NBAS: variants seen among roughly 807,000 people sequenced by gnomAD.
The protein encoded by NBAS is NAG/BC035112 fusion.
NBAS carries 219 observed loss-of-function variants against 302.5 expected under a neutral mutation model. The observed-to-expected ratio is 0.72, with a 90% CI of 0.65 to 0.81. NBAS has a LOEUF of 0.81. Ranked by LOEUF, NBAS falls within the 30% of genes least tolerant of loss-of-function variation. NBAS has a pLI of 0.00. For synonymous variants in NBAS, 1,118 were observed against 1,021.6 expected (o/e 1.09, Z -1.80); for missense variants, 2,932 against 2,841.6 (o/e 1.03, Z -0.72).
intron 12 of NBAS, among the ~76,000 whole-genome samples, chr2:15,488,281 A>G (rs1413774162): frequency 6.6e-6 from 1 of 152,234 alleles, no homozygotes; most frequent in Non-Finnish European, 1.5e-5. Context: ...CCTTTACTCT[A>G]TCACAATACA....
intron 47 of NBAS, among the ~76,000 whole-genome samples, chr2:15,228,994 T>C (rs934356577): frequency 1.3e-5 from 2 of 152,314 alleles, no homozygotes; most frequent in East Asian, 1.9e-4. Flanking sequence ...AAAGAAATGA[T>C]ACATGTTTAA....
Position 15,304,191 on chromosome 2 carries a change from C to T in NBAS, c.4797+4025G>A, listed in dbSNP as rs572209504. On this transcript the variant is annotated intron_variant, in intron 40 of 51. Coordinates refer to ENST00000281513, the MANE Select transcript of NBAS (RefSeq NM_015909.4). The stretch of plus-strand genomic sequence containing the variant: ...ATCATGAGGGTGGTTTCCCCCATGC[C>T]GTTCTGGTGGTAATGAGTGAGTTCT... Among the ~76,000 whole-genome samples, 8 of 152,238 alleles carry T rather than the reference C, an allele frequency of 5.3e-5. No individual in the cohort carries two copies. In the East Asian group the frequency reaches 7.7e-4, roughly 15 times the overall value.
the NBAS span, among the ~76,000 whole-genome samples, chr2:14,989,293 ATG>A: frequency 6.4e-3 from 943 of 148,106 alleles, 13 homozygotes; most frequent in African/African-American, 0.022. Context: ...ATGTATGTGT[ATG>A]TGTGTGTGTG....
chr2:15,282,456 G>T (rs748833704), intron 42 of NBAS, among the ~76,000 whole-genome samples: 2 of 152,124 alleles, frequency 1.3e-5, no homozygotes, highest in African/African-American at 4.8e-5. Context: ...GATAGACCTT[G>T]TTCTTACCCA....
At chr2:15,059,878 G>A in the NBAS span, among the ~76,000 whole-genome samples, 2 of 150,288 alleles carry the variant, frequency 1.3e-5, no homozygotes, top group East Asian at 3.9e-4. Flanking sequence ...CAGCAAAAAG[G>A]CTAAACCACA....
At chr2:14,802,019 T>C in the NBAS span, among the ~76,000 whole-genome samples, 4 of 147,338 alleles carry the variant, frequency 2.7e-5, no homozygotes, top group South Asian at 8.9e-4. Context: ...AGAAGCTCTT[T>C]AGTTTAATTA....
Position 15,539,326 on chromosome 2 carries a change from C to T in NBAS, c.410G>A (p.Arg137Gln), listed in dbSNP as rs753745199. ...VPKDPKPQWR[R>Q]VAWSYDCTLL... ...GGTACAATCGTAACTCCATGCTACC[C>T]GTCTCCACTGGGGTTTCGGGTCTTT... Residue 137 changes from arginine to glutamine, a missense_variant, in exon 7 of 52, where the codon CGG (arginine) becomes CAG (glutamine). Coordinates refer to ENST00000281513, the MANE Select transcript of NBAS (RefSeq NM_015909.4). 5 of 1,614,118 alleles carry T rather than the reference C, an allele frequency of 3.1e-6. No individual in the cohort carries two copies. Among genetic ancestry groups the T allele is most frequent in the Non-Finnish European group, 1.7e-6 (2 of 1,180,050 alleles).
the NBAS span, among the ~76,000 whole-genome samples, chr2:15,040,705 TG>T: frequency 2.0e-5 from 3 of 152,166 alleles, no homozygotes; most frequent in African/African-American, 7.2e-5. Flanking sequence ...CTGGGGTTTT[TG>T]TCTTTCTAAG....
Position 15,473,268 on chromosome 2 carries a change from T to C in NBAS, c.1679A>G (p.Gln560Arg), listed in dbSNP as rs1488926211. ...AACGTTGACCGCTGACTTCCTCCAC[T>C]GCCTCTGATATACAAGGTCAGTATC... ...GLDTDLVYQR[Q>R]WRKSAVNVAS... Residue 560 changes from glutamine (Q) to arginine (R), a missense_variant, in exon 16 of 52, where the codon CAG (glutamine) becomes CGG (arginine). Transcript: ENST00000281513. 1 of 1,614,030 alleles carries C rather than the reference T, an allele frequency of 6.2e-7. No homozygotes were observed. Among genetic ancestry groups the C allele is most frequent in the Non-Finnish European group, 8.5e-7 (1 of 1,179,992 alleles).
At chr2:15,363,985 C>T (rs924455561) in intron 32 of NBAS, among the ~76,000 whole-genome samples, 3 of 152,156 alleles carry the variant, frequency 2.0e-5, no homozygotes, top group Non-Finnish European at 4.4e-5. Context: ...TGAGAGAACA[C>T]ACTCAAGCAG....
chr2:15,236,058 C>T (rs1667576677), intron 45 of NBAS, among the ~76,000 whole-genome samples: 1 of 152,062 alleles, frequency 6.6e-6, no homozygotes, highest in African/African-American at 2.4e-5. Context: ...AAGGTTATTT[C>T]CAGCTTTTGC....
the NBAS span, among the ~76,000 whole-genome samples, chr2:14,908,311 C>T: frequency 3.3e-5 from 5 of 152,130 alleles, no homozygotes; most frequent in South Asian, 2.1e-4. Context: ...TGCAGTGAGC[C>T]GAGATTGCAC....
chr2:15,092,502 G>C, the NBAS span, among the ~76,000 whole-genome samples: 1 of 152,130 alleles, frequency 6.6e-6, no homozygotes, highest in Non-Finnish European at 1.5e-5. Context: ...TGAATTAATT[G>C]CTTCTGAATT....
intron 16 of NBAS, among the ~76,000 whole-genome samples, 199 bp from the exon 17 acceptor site, chr2:15,468,732 A>G (rs1032846461): frequency 2.6e-5 from 4 of 152,196 alleles, no homozygotes; most frequent in African/African-American, 9.6e-5. Flanking sequence ...GGGGAGTGTG[A>G]GTTGACCTGC....
intron 40 of NBAS, among the ~76,000 whole-genome samples, chr2:15,294,696 T>C (rs967053403): frequency 2.0e-5 from 3 of 152,176 alleles, no homozygotes; most frequent in Admixed American, 6.5e-5. Flanking sequence ...ATTTGCACTT[T>C]TCTTCCCAGT....
the NBAS span, among the ~76,000 whole-genome samples, chr2:14,818,733 C>T: frequency 2.0e-5 from 3 of 152,098 alleles, no homozygotes; most frequent in East Asian, 1.9e-4. Context: ...AAGCAGCTAA[C>T]GGAGAAAAAC....
chr2:15,220,129 G>T (rs1666879834), intron 47 of NBAS, among the ~76,000 whole-genome samples: 1 of 148,014 alleles, frequency 6.8e-6, no homozygotes. Context: ...CGGGCGGGGG[G>T]CTGACCCCCC....
intron 9 of NBAS, among the ~76,000 whole-genome samples, chr2:15,528,914 T>TATGTGTGTATATATATAC (rs1558414941): frequency 6.8e-6 from 1 of 147,658 alleles, no homozygotes; most frequent in African/African-American, 2.5e-5. Flanking sequence ...TATATATATA[T>TATGTGTGTATATATATAC]ACACACACAC....
intron 21 of NBAS, among the ~76,000 whole-genome samples, chr2:15,447,703 G>A (rs774982560): frequency 1.8e-4 from 28 of 152,014 alleles, no homozygotes; most frequent in Non-Finnish European, 3.5e-4. Flanking sequence ...TTAGTAATTT[G>A]GAAACTCAGG....
Sources: allele counts gnomAD v4.1 joint callset (sites outside exome capture counted in the v4.1 genomes callset), GRCh38; gene constraint gnomAD v4.1.1; transcripts MANE v1.5; gene names NCBI Gene and HGNC (gene_info 2026-07-23, HGNC 2026-07-21).